INSR: variants seen among roughly 807,000 people sequenced by gnomAD.
The protein encoded by INSR is insulin receptor, also known as IR.
Under a neutral mutation model 142.6 loss-of-function variants are expected in INSR, and 67 were observed. That is an observed-to-expected ratio of 0.47 (90% CI 0.39 to 0.58). INSR has a LOEUF of 0.58. INSR is among the 20% of genes least tolerant of loss of function. The pLI, the probability that INSR is intolerant of heterozygous loss-of-function variation, is 0.00. For synonymous variants in INSR, 756 were observed against 743.1 expected (o/e 1.02, Z -0.28); for missense variants, 1,248 against 1,833.2 (o/e 0.68, Z 5.83).
Position 7,192,512 on chromosome 19 carries a change from C to A in INSR, c.653-7875G>T, listed in dbSNP as rs1974630842. ...CCTGACCTGATCCCCCTCATTGACA[C>A]GTAATGAGCCCAAGTGTCCGTTCCT... is the stretch of plus-strand genomic sequence containing the variant. On this transcript the variant is annotated intron_variant, in intron 2 of 21. Coordinates refer to ENST00000302850, the MANE Select transcript of INSR (RefSeq NM_000208.4). The surrounding 1 kb of genome is among the most constrained non-coding windows in gnomAD (Gnocchi z 4.2). Among the ~76,000 whole-genome samples the A allele has an allele frequency of 6.6e-6, 1 of 152,080 alleles. No individual in the cohort carries two copies. The highest frequency in any genetic ancestry group is 6.6e-5 in the Admixed American group (1 of 15,254).
intron 2 of INSR, among the ~76,000 whole-genome samples, chr19:7,252,682 G>A (rs1210705733): frequency 1.3e-5 from 2 of 152,100 alleles, no homozygotes; most frequent in Non-Finnish European, 2.9e-5. Flanking sequence ...CCTTCCCCAG[G>A]TAAGCCCTTG....
At chr19:7,121,171 G>A (rs181874727) in intron 19 of INSR, among the ~76,000 whole-genome samples, 1 of 151,984 alleles carries the variant, frequency 6.6e-6, no homozygotes, top group East Asian at 2.0e-4. Flanking sequence ...CTAATGTTTT[G>A]TATTTTGAGT....
At position 7,169,576 on chromosome 19, in the gene INSR, C is replaced by CAAAAA. The variant is rs74174872; in HGVS notation, c.1483+956_1483+960dup. On this transcript the variant is annotated intron_variant, in intron 6 of 21. Coordinates refer to ENST00000302850, the MANE Select transcript of INSR (RefSeq NM_000208.4). ...TGGGTGACAGAGCAAGACTCTGTCC[C>CAAAAA]AAAAAAAAAAAAAAAAAAAAAAGAA... Among the ~76,000 whole-genome samples, 77 of 94,784 alleles carry CAAAAA rather than the reference C, an allele frequency of 8.1e-4. 1 individual carries two copies. Among genetic ancestry groups the CAAAAA allele is most frequent in the African/African-American group, 2.4e-3 (66 of 27,518 alleles). The allele number at this position is 94,784 out of a possible 152,430, so 62.2% of individuals were successfully genotyped here.
chr19:7,178,064 C>T (rs1010423661), intron 3 of INSR, among the ~76,000 whole-genome samples: 16 of 151,980 alleles, frequency 1.1e-4, no homozygotes, highest in Non-Finnish European at 1.3e-4. Context: ...GTTGCTGCTG[C>T]TGTTGTTCTC....
In INSR at chr19:7,141,880, T is replaced by C. The variant is rs979377734; in HGVS notation, c.2543-64A>G. On this transcript the variant is annotated intron_variant, in intron 12 of 21. Coordinates refer to ENST00000302850, the MANE Select transcript of INSR (RefSeq NM_000208.4). ...TGGATGAGATCCCACTTCTGCCACCTGTCCATGGTGCAACCTTGGGCTGGT... is the reference window on the plus strand; with the variant it reads ...TGGATGAGATCCCACTTCTGCCACCCGTCCATGGTGCAACCTTGGGCTGGT... The C allele has an allele frequency of 2.6e-5, 35 of 1,339,016 alleles. No homozygotes were observed. The Middle Eastern group carries it at 5.5e-4, about 21-fold the overall frequency. The allele number at this position is 1,339,016 out of a possible 1,614,324, so 82.9% of individuals were successfully genotyped here.
intron 13 of INSR, among the ~76,000 whole-genome samples, chr19:7,135,595 A>T (rs796833252): frequency 2.1e-4 from 31 of 144,906 alleles, no homozygotes; most frequent in Middle Eastern, 6.9e-3. Flanking sequence ...GAAAAAAAAA[A>T]TTTTTTTAAC....
At chr19:7,127,704 G>T (rs1292865208) in intron 15 of INSR, among the ~76,000 whole-genome samples, 1 of 152,106 alleles carries the variant, frequency 6.6e-6, no homozygotes, top group Non-Finnish European at 1.5e-5. Context: ...TTGTTCTGTT[G>T]TTTGTCCAGG....
intron 13 of INSR, among the ~76,000 whole-genome samples, chr19:7,135,512 GAAA>G (rs571508012): frequency 8.0e-6 from 1 of 125,738 alleles, no homozygotes. Context: ...GACTCTGTTT[GAAA>G]AAAAAAAAAA....
intron 8 of INSR, among the ~76,000 whole-genome samples, chr19:7,163,948 A>AAAAAAAAAAAAAAAAAAAAT (rs1411048837): frequency 2.9e-4 from 39 of 136,098 alleles, no homozygotes; most frequent in African/African-American, 9.8e-4. Context: ...AAAAAAAAAA[A>AAAAAAAAAAAAAAAAAAAAT]ATTAGCTGGA....
In INSR at chr19:7,191,296, A is replaced by G. The variant is rs985628103; in HGVS notation, c.653-6659T>C. On this transcript the variant is annotated intron_variant, in intron 2 of 21. Coordinates refer to ENST00000302850, the MANE Select transcript of INSR (RefSeq NM_000208.4). ...GAGTGAGACTCTGTCTCAAAAAGAA[A>G]GAAAAGAAAAGAGAAAGAAAGAAAG... Among the ~76,000 whole-genome samples the G allele has an allele frequency of 4.5e-5, 5 of 112,284 alleles. No homozygotes were observed. The Admixed American group carries it at 4.7e-4, about 11-fold the overall frequency. 73.7% of individuals were successfully genotyped at this position (112,284 alleles called of 152,430 possible). A position where few individuals can be genotyped will look rare whatever the true frequency, so the allele number is the denominator to read the frequency against.
intron 1 of INSR, chr19:7,268,680 C>G: frequency 1.2e-6 from 1 of 804,910 alleles, no homozygotes; most frequent in Non-Finnish European, 1.5e-6. Flanking sequence ...GGCAAGCACT[C>G]AAACAGTGCC....
At chr19:7,196,214 C>T (rs537298025) in intron 2 of INSR, among the ~76,000 whole-genome samples, 66 of 152,296 alleles carry the variant, frequency 4.3e-4, no homozygotes, top group African/African-American at 1.5e-3. Flanking sequence ...GGATTACAGG[C>T]ATGAGCCACC....
At chr19:7,131,414 C>T (rs1452029307) in intron 14 of INSR, among the ~76,000 whole-genome samples, 8 of 151,730 alleles carry the variant, frequency 5.3e-5, no homozygotes, top group Non-Finnish European at 1.2e-4. Flanking sequence ...GGCACGATCT[C>T]GGTTCACTGC....
Position 7,143,062 on chromosome 19 carries a change from C to G in INSR, c.2296G>C (p.Asp766His), listed in dbSNP as rs774340801. 7 of 1,614,074 alleles carry G rather than the reference C, an allele frequency of 4.3e-6. No individual in the cohort carries two copies. The highest frequency in any genetic ancestry group is 4.2e-6 in the Non-Finnish European group (5 of 1,180,058). The change falls in exon 12 of 22, where the codon GAT (aspartate) becomes CAT (histidine). Residue 766 changes from aspartate to histidine, a missense_variant. Asp to His is a moderately conservative substitution (Grantham distance 81, BLOSUM62 -1). This residue lies in a region of INSR where 1,069 missense variants were observed against 1,654.0 expected (regional missense o/e 0.65). Transcript: ENST00000302850. ...ACGGCCACCGTCACATTCCCAACATCGCCAAGGGACCTGCGTTTCCGAGAT... is the reference window on the plus strand; with the variant it reads ...ACGGCCACCGTCACATTCCCAACATGGCCAAGGGACCTGCGTTTCCGAGAT... ...RPSRKRRSLG[D>H]VGNVTVAVPT...
At chr19:7,240,172 C>T (rs568891939) in intron 2 of INSR, among the ~76,000 whole-genome samples, 2 of 152,240 alleles carry the variant, frequency 1.3e-5, no homozygotes, top group East Asian at 3.9e-4. Flanking sequence ...ATTTAGAATA[C>T]TCAAAAGTGT....
intron 2 of INSR, among the ~76,000 whole-genome samples, chr19:7,210,084 C>T (rs766088067): frequency 1.3e-4 from 19 of 151,984 alleles, no homozygotes; most frequent in Non-Finnish European, 2.5e-4. Flanking sequence ...GTGGCTCACA[C>T]CCGTAATCTC....
Position 7,125,555 on chromosome 19 carries a change from C to A in INSR, c.3014-28G>T. 1.9e-6 allele frequency: 3 copies of A among 1,610,508 alleles called. No individual in the cohort carries two copies. Among genetic ancestry groups the A allele is most frequent in the Non-Finnish European group, 2.5e-6 (3 of 1,179,968 alleles). On this transcript the variant is annotated intron_variant, in intron 16 of 21. Coordinates refer to ENST00000302850, the MANE Select transcript of INSR (RefSeq NM_000208.4). This position sits in a 1 kb window ranked among gnomAD's most constrained non-coding sequence, Gnocchi z 4.9. ...ACTTCTTACTTATCTACACAGCATC[C>A]TTGGAGGATCCCTTGGGGGTCTGCA...
At chr19:7,252,304 C>T (rs192927505) in intron 2 of INSR, among the ~76,000 whole-genome samples, 83 of 151,946 alleles carry the variant, frequency 5.5e-4, no homozygotes, top group Non-Finnish European at 6.9e-4. Context: ...CCCAGTTACT[C>T]AGGAGGCTGA....
chr19:7,212,843 T>C (rs577761299), intron 2 of INSR, among the ~76,000 whole-genome samples: 1 of 151,908 alleles, frequency 6.6e-6, no homozygotes, highest in East Asian at 2.0e-4. Context: ...AACCTCAGCC[T>C]CCCAAAGTGC....
Sources: gnomAD v4.1 joint callset for allele counts (sites outside exome capture counted in the v4.1 genomes callset) on GRCh38, gnomAD v4.1.1 for gene constraint, gnomAD v4.1.1 regional missense constraint, Gnocchi (gnomAD v3.1) non-coding constraint, MANE v1.5 for transcripts, NCBI Gene and HGNC (gene_info 2026-07-23, HGNC 2026-07-21) for gene names.